The following SDCCAG8 variants were observed in gnomAD, a reference collection of about 807,000 sequenced individuals.
SDCCAG8 encodes the protein SHH signaling and ciliogenesis regulator SDCCAG8.
In SDCCAG8, 74 loss-of-function variants were observed where a neutral mutation model predicts 101.8. The ratio of observed to expected loss-of-function variants is 0.73; its 90% CI spans 0.60 to 0.88. The LOEUF is 0.88. Ranked by LOEUF, SDCCAG8 falls within the 40% of genes least tolerant of loss-of-function variation. SDCCAG8 has a pLI of 0.00. For missense variants in SDCCAG8, 787 were observed against 822.6 expected (o/e 0.96, Z 0.53); for synonymous variants, 281 against 292.9 (o/e 0.96, Z 0.41).
At chr1:243,334,509 G>A (rs1380565567) in intron 10 of SDCCAG8, among the ~76,000 whole-genome samples, 1 of 152,132 alleles carries the variant, frequency 6.6e-6, no homozygotes, top group East Asian at 1.9e-4. Context: ...TTTTTCCAGT[G>A]CAGGATATTG....
intron 16 of SDCCAG8, among the ~76,000 whole-genome samples, chr1:243,440,793 T>G (rs1194227370): frequency 6.6e-6 from 1 of 152,244 alleles, no homozygotes; most frequent in African/African-American, 2.4e-5. Context: ...AGTGTTTTCC[T>G]TTGTTGAGCT....
intron 8 of SDCCAG8, among the ~76,000 whole-genome samples, chr1:243,309,428 C>G (rs1361621242): frequency 6.6e-6 from 1 of 152,130 alleles, no homozygotes; most frequent in East Asian, 1.9e-4. Flanking sequence ...CATTCTGTAC[C>G]TTCTATACTC....
At position 243,283,068 on chromosome 1, in the gene SDCCAG8, A is replaced by G. The variant is rs1013535252; in HGVS notation, c.421-3204A>G. On this transcript the variant is annotated intron_variant, in intron 4 of 17. Coordinates refer to ENST00000366541, the MANE Select transcript of SDCCAG8 (RefSeq NM_006642.5). ...CACCATGTTAGCCAGGCTGGTTTTG[A>G]ACTCCTGACCCTCACATGATCCGCC... is the stretch of plus-strand genomic sequence containing the variant. Among the ~76,000 whole-genome samples, 2 of 152,004 alleles carry G rather than the reference A, an allele frequency of 1.3e-5. 1 individual carries two copies. The highest frequency in any genetic ancestry group is 4.2e-4 in the South Asian group (2 of 4,812).
At chr1:243,266,816 G>C (rs1026591007) in intron 1 of SDCCAG8, among the ~76,000 whole-genome samples, 2 of 149,236 alleles carry the variant, frequency 1.3e-5, no homozygotes, top group African/African-American at 4.9e-5. Context: ...TGTGGCACAT[G>C]CCTGCAATCC....
chr1:243,434,102 C>T (rs1462256754), intron 16 of SDCCAG8, among the ~76,000 whole-genome samples: 1 of 152,220 alleles, frequency 6.6e-6, no homozygotes, highest in African/African-American at 2.4e-5. Flanking sequence ...AATTTAGCTT[C>T]ATCACAATAA....
chr1:243,411,405 C>T (rs1486737071), intron 13 of SDCCAG8, among the ~76,000 whole-genome samples: 1 of 152,156 alleles, frequency 6.6e-6, no homozygotes, highest in Non-Finnish European at 1.5e-5. Flanking sequence ...GTGTAAGCCA[C>T]TGATTTGCTC....
intron 12 of SDCCAG8, among the ~76,000 whole-genome samples, chr1:243,364,978 A>C (rs1287964452): frequency 1.3e-5 from 2 of 152,150 alleles, no homozygotes; most frequent in Non-Finnish European, 2.9e-5. Flanking sequence ...CAGTTGTCTG[A>C]GGAGAAACAG....
At chr1:243,348,636 A>G (rs923200254) in intron 12 of SDCCAG8, among the ~76,000 whole-genome samples, 2 of 152,024 alleles carry the variant, frequency 1.3e-5, no homozygotes, top group African/African-American at 2.4e-5. Context: ...ATGAGACCAC[A>G]TACAGGAGTT....
At chr1:243,285,171 G>A (rs1427152224) in intron 4 of SDCCAG8, among the ~76,000 whole-genome samples, 11 of 152,162 alleles carry the variant, frequency 7.2e-5, no homozygotes, top group South Asian at 4.1e-4. Context: ...GAGCCACCGC[G>A]CCCGGTCTGG....
chr1:243,450,299 T>A (rs995936966), intron 16 of SDCCAG8, among the ~76,000 whole-genome samples: 1 of 152,224 alleles, frequency 6.6e-6, no homozygotes, highest in Non-Finnish European at 1.5e-5. Flanking sequence ...TTAGGATTAA[T>A]ATAGGCTGAT....
chr1:243,357,597 C>A (rs1004475485), intron 12 of SDCCAG8, among the ~76,000 whole-genome samples: 14 of 152,180 alleles, frequency 9.2e-5, no homozygotes, highest in African/African-American at 2.9e-4. Context: ...TATTTCCATG[C>A]AGCCATTTAT....
chr1:243,400,180 G>A (rs988011107), intron 13 of SDCCAG8, among the ~76,000 whole-genome samples: 4 of 152,190 alleles, frequency 2.6e-5, no homozygotes, highest in Non-Finnish European at 4.4e-5. Flanking sequence ...GCTTCTCAGC[G>A]TTTTTAATAT....
At chr1:243,431,754 A>C (rs1486827148) in intron 16 of SDCCAG8, among the ~76,000 whole-genome samples, 1 of 152,166 alleles carries the variant, frequency 6.6e-6, no homozygotes, top group Non-Finnish European at 1.5e-5. Flanking sequence ...AGAGTGGACA[A>C]GCCCCAGAGC....
At chr1:243,439,147 ATTTTTATTTTAT>A (rs2082352592) in intron 16 of SDCCAG8, among the ~76,000 whole-genome samples, 1 of 151,952 alleles carries the variant, frequency 6.6e-6, no homozygotes, top group African/African-American at 2.4e-5. Flanking sequence ...TTCTTCTTTT[ATTTTTATTTTAT>A]TTTTTATTTT....
At chr1:243,415,228 G>A (rs939610728) in intron 13 of SDCCAG8, among the ~76,000 whole-genome samples, 12 of 152,130 alleles carry the variant, frequency 7.9e-5, no homozygotes, top group Admixed American at 2.6e-4. Context: ...TCATTTACTC[G>A]CCTCTAGATA....
At chr1:243,263,828 A>G (rs2067375742) in intron 1 of SDCCAG8, among the ~76,000 whole-genome samples, 1 of 152,170 alleles carries the variant, frequency 6.6e-6, no homozygotes, top group Admixed American at 6.5e-5. Context: ...TGCCTTTCAC[A>G]AAGCCGACAT....
intron 16 of SDCCAG8, among the ~76,000 whole-genome samples, chr1:243,483,703 G>T (rs1664238297): frequency 6.6e-6 from 1 of 152,078 alleles, no homozygotes; most frequent in South Asian, 2.1e-4. Flanking sequence ...CCCACAAACC[G>T]GCCACTCCGC....
rs112113129 is a variant in SDCCAG8, at chr1:243,477,215, C to T, written c.1986-11799C>T. ...TTAGGGTGAGGTAGGGTACAGTGTGCGTGGCAGTGTGGGTTTTCCTGCTGG... is the reference window on the plus strand; with the variant it reads ...TTAGGGTGAGGTAGGGTACAGTGTGTGTGGCAGTGTGGGTTTTCCTGCTGG... On this transcript the variant is annotated intron_variant, in intron 16 of 17. Transcript: ENST00000366541. 3.5e-3 allele frequency among the ~76,000 whole-genome samples: 537 copies of T among 152,290 alleles called. 1 individual carries two copies. The highest frequency in any genetic ancestry group is 5.4e-3 in the Non-Finnish European group (364 of 68,030).
At chr1:243,354,859 T>A (rs1415334831) in intron 12 of SDCCAG8, among the ~76,000 whole-genome samples, 1 of 152,182 alleles carries the variant, frequency 6.6e-6, no homozygotes, top group Non-Finnish European at 1.5e-5. Flanking sequence ...CCAAAAACAA[T>A]TTTGCAATTG....
Sources: gnomAD v4.1 joint callset for allele counts (sites outside exome capture counted in the v4.1 genomes callset) on GRCh38, gnomAD v4.1.1 for gene constraint, MANE v1.5 for transcripts, NCBI Gene and HGNC (gene_info 2026-07-23, HGNC 2026-07-21) for gene names.